XKR6: variants seen among roughly 807,000 people sequenced by gnomAD.
XKR6 encodes the protein XK-related protein 6.
In XKR6, 22 loss-of-function variants were observed where a neutral mutation model predicts 56.7. The ratio of observed to expected loss-of-function variants is 0.39; its 90% CI spans 0.28 to 0.55. The LOEUF (loss-of-function observed/expected upper bound fraction) is 0.55, where lower values mean the gene tolerates loss of function less well. Among genes scored for constraint, XKR6 ranks in the 20% least tolerant of loss-of-function variants. The pLI, the probability that XKR6 is intolerant of heterozygous loss-of-function variation, is 0.66. For missense variants in XKR6, 852 were observed against 889.0 expected (o/e 0.96, Z 0.53); for synonymous variants, 524 against 387.8 (o/e 1.35, Z -4.13).
intron 1 of XKR6, among the ~76,000 whole-genome samples, chr8:11,177,728 C>G (rs532431261): frequency 7.0e-4 from 107 of 152,344 alleles, no homozygotes; most frequent in Non-Finnish European, 1.0e-4. Flanking sequence ...ACTGCCACCC[C>G]AGAAGCTAGG....
chr8:11,154,598 T>C (rs1801421847), intron 1 of XKR6, among the ~76,000 whole-genome samples: 1 of 152,204 alleles, frequency 6.6e-6, no homozygotes, highest in East Asian at 1.9e-4. Flanking sequence ...AAACTTGCAG[T>C]TGGTGTGAGA....
At chr8:11,160,364 G>A (rs1801735933) in intron 1 of XKR6, among the ~76,000 whole-genome samples, 1 of 151,920 alleles carries the variant, frequency 6.6e-6, no homozygotes, top group African/African-American at 2.4e-5. Flanking sequence ...ATAATGGTGA[G>A]TCTGAAGCTG....
At chr8:10,912,587 T>G (rs1800428143) in intron 2 of XKR6, among the ~76,000 whole-genome samples, 1 of 144,110 alleles carries the variant, frequency 6.9e-6, no homozygotes, top group South Asian at 2.2e-4. Context: ...TGTGTGCATA[T>G]ATATATGTAG....
intron 1 of XKR6, among the ~76,000 whole-genome samples, chr8:11,012,372 C>T (rs1798520460): frequency 6.6e-6 from 1 of 152,200 alleles, no homozygotes; most frequent in Non-Finnish European, 1.5e-5. Flanking sequence ...ATGACAGCAC[C>T]TATATCTTAA....
intron 1 of XKR6, among the ~76,000 whole-genome samples, chr8:11,121,172 C>A (rs951205264): frequency 2.6e-5 from 4 of 152,054 alleles, no homozygotes; most frequent in Non-Finnish European, 5.9e-5. Flanking sequence ...GCAACAAAAG[C>A]CAAAATTGAC....
intron 1 of XKR6, among the ~76,000 whole-genome samples, chr8:11,183,040 T>G (rs1803079222): frequency 6.6e-6 from 1 of 152,222 alleles, no homozygotes; most frequent in East Asian, 1.9e-4. Flanking sequence ...CAGCATGTGT[T>G]AGAATTGCCT....
intron 1 of XKR6, among the ~76,000 whole-genome samples, chr8:11,018,479 A>G (rs1432699422): frequency 6.6e-6 from 1 of 152,174 alleles, no homozygotes; most frequent in Non-Finnish European, 1.5e-5. Flanking sequence ...CCAGGCTAGC[A>G]CTTCCCTCCA....
intron 1 of XKR6, among the ~76,000 whole-genome samples, chr8:11,121,021 T>C (rs1351498514): frequency 1.3e-5 from 2 of 152,200 alleles, no homozygotes; most frequent in African/African-American, 4.8e-5. Context: ...CCTTACACCT[T>C]AGACAAAAAT....
chr8:11,036,859 T>C (rs60680986), intron 1 of XKR6, among the ~76,000 whole-genome samples: 4,106 of 152,316 alleles, frequency 0.027, 171 homozygotes, highest in African/African-American at 0.086. Flanking sequence ...GGTGGCTGCG[T>C]GTGTTATTCT....
intron 1 of XKR6, among the ~76,000 whole-genome samples, chr8:11,173,400 T>A (rs1167885525): frequency 1.3e-5 from 2 of 150,014 alleles, no homozygotes; most frequent in South Asian, 2.1e-4. Context: ...TATATATACA[T>A]ATATATATAC....
intron 1 of XKR6, among the ~76,000 whole-genome samples, chr8:11,031,647 T>C (rs1218527201): frequency 6.6e-6 from 1 of 152,090 alleles, no homozygotes; most frequent in African/African-American, 2.4e-5. Flanking sequence ...GGAGAGCAAA[T>C]GGGTTTCATG....
chr8:11,145,015 G>A (rs1225331347), intron 1 of XKR6, among the ~76,000 whole-genome samples: 3 of 131,580 alleles, frequency 2.3e-5, no homozygotes, highest in African/African-American at 9.1e-5. Context: ...AGGGAGGAAG[G>A]GAAAGAAGGG....
At chr8:11,055,230 G>A (rs1799651180) in intron 1 of XKR6, among the ~76,000 whole-genome samples, 1 of 152,180 alleles carries the variant, frequency 6.6e-6, no homozygotes, top group East Asian at 1.9e-4. Flanking sequence ...CAGCCCAGAA[G>A]CAGCGTGGGG....
At chr8:10,948,803 G>A (rs548527910) in intron 1 of XKR6, among the ~76,000 whole-genome samples, 3 of 152,338 alleles carry the variant, frequency 2.0e-5, no homozygotes, top group East Asian at 3.9e-4. Context: ...CTGGGGAGAC[G>A]TGCTCATCTG....
chr8:11,078,882 G>A (rs1256310156), intron 1 of XKR6, among the ~76,000 whole-genome samples: 4 of 152,196 alleles, frequency 2.6e-5, no homozygotes, highest in African/African-American at 9.7e-5. Flanking sequence ...GGGGCCAGAG[G>A]CCTCATCCTC....
intron 1 of XKR6, among the ~76,000 whole-genome samples, chr8:10,985,812 C>T (rs1278780445): frequency 6.6e-6 from 1 of 152,098 alleles, no homozygotes; most frequent in Non-Finnish European, 1.5e-5. Context: ...TGTCATGTTG[C>T]TCAGGCTGGT....
chr8:10,941,581 C>T (rs553048053), intron 1 of XKR6, among the ~76,000 whole-genome samples: 25 of 152,346 alleles, frequency 1.6e-4, no homozygotes, highest in African/African-American at 6.0e-4. Flanking sequence ...ACTGGGTCCC[C>T]AGCCCCTACC....
intron 1 of XKR6, among the ~76,000 whole-genome samples, chr8:10,993,858 A>G (rs1211226210): frequency 6.6e-6 from 1 of 152,154 alleles, no homozygotes; most frequent in African/African-American, 2.4e-5. Context: ...AGCCTTAGCT[A>G]TATAGCCCTA....
At chr8:10,984,732 C>CTCTCTCTCTCTATATATATATATATATA in intron 1 of XKR6, among the ~76,000 whole-genome samples, 41 of 47,456 alleles carry the variant, frequency 8.6e-4, no homozygotes, top group Non-Finnish European at 1.4e-3. Flanking sequence ...CTCTCTCTCT[C>CTCTCTCTCTCTATATATATATATATATA]TATATATATA....
Sources: gnomAD v4.1 joint callset for allele counts (sites outside exome capture counted in the v4.1 genomes callset) on GRCh38, gnomAD v4.1.1 for gene constraint, MANE v1.5 for transcripts, NCBI Gene and HGNC (gene_info 2026-07-23, HGNC 2026-07-21) for gene names.